SEM1: variants seen among roughly 807,000 people sequenced by gnomAD.
SEM1 encodes 26S proteasome complex subunit SEM1.
Under a neutral mutation model 12.7 loss-of-function variants are expected in SEM1, and 3 were observed. That is an observed-to-expected ratio of 0.24 (90% CI 0.11 to 0.61). The LOEUF (loss-of-function observed/expected upper bound fraction) is 0.61, where lower values mean the gene tolerates loss of function less well. Among genes scored for constraint, SEM1 ranks in the 20% least tolerant of loss-of-function variants. The pLI is 0.88. For missense variants in SEM1, 59 were observed against 81.3 expected, an observed-to-expected ratio of 0.73 and a Z score of 1.06; for synonymous variants, 30 against 27.8, an observed-to-expected ratio of 1.08 and a Z score of -0.25.
At chr7:96,647,564 C>G (rs1420469580) in intron 2 of SEM1, 1 of 152,056 alleles carries the variant, frequency 6.6e-6, no homozygotes, top group Non-Finnish European at 1.5e-5. Flanking sequence ...AATAAGAGCT[C>G]TTACTCTGAA....
At chr7:96,607,567 A>G (rs1374386835) in intron 2 of SEM1, among the ~76,000 whole-genome samples, 3 of 152,140 alleles carry the variant, frequency 2.0e-5, no homozygotes, top group African/African-American at 7.2e-5. Context: ...GGACTTTATA[A>G]TTCAATTGAA....
intron 2 of SEM1, among the ~76,000 whole-genome samples, chr7:96,573,942 A>AT (rs1806121473): frequency 3.6e-5 from 1 of 27,480 alleles, no homozygotes; most frequent in South Asian, 9.1e-3. Flanking sequence ...TTTTTTTAAT[A>AT]TTTTTTATTA....
intron 2 of SEM1, among the ~76,000 whole-genome samples, chr7:96,627,687 C>T (rs1314325674): frequency 6.6e-6 from 1 of 152,112 alleles, no homozygotes; most frequent in Non-Finnish European, 1.5e-5. Context: ...TGTGACCTAA[C>T]ATATGGCCTA....
intron 2 of SEM1, chr7:96,622,782 A>C: frequency 1.6e-6 from 1 of 611,040 alleles, no homozygotes; most frequent in Non-Finnish European, 2.9e-6. Flanking sequence ...CATGTAATGC[A>C]TGCAACTGTC....
At chr7:96,673,593 C>G in exon 3 of SEM1, 1 of 617,784 alleles carries the variant, frequency 1.6e-6, no homozygotes, top group Non-Finnish European at 2.9e-6. Context: ...GGACCTTCAC[C>G]CAGGCTGCTC....
At chr7:96,589,729 T>C (rs976827968) in intron 2 of SEM1, among the ~76,000 whole-genome samples, 1 of 152,348 alleles carries the variant, frequency 6.6e-6, no homozygotes, top group East Asian at 1.9e-4. Flanking sequence ...CTCTGAAAAT[T>C]ACCTGAGGTA....
intron 2 of SEM1, among the ~76,000 whole-genome samples, chr7:96,682,476 G>T (rs1001171678): frequency 2.6e-5 from 4 of 151,974 alleles, no homozygotes; most frequent in Admixed American, 6.6e-5. Flanking sequence ...TTTTCAAAGG[G>T]GATGCTTCCA....
At chr7:96,541,229 T>G (rs1190918438) in intron 2 of SEM1, among the ~76,000 whole-genome samples, 1 of 151,908 alleles carries the variant, frequency 6.6e-6, no homozygotes, top group African/African-American at 2.4e-5. Flanking sequence ...CATTTCATTT[T>G]CTCTTCAGCC....
intron 1 of SEM1, among the ~76,000 whole-genome samples, chr7:96,705,069 A>G (rs1479580089): frequency 6.6e-6 from 1 of 152,200 alleles, no homozygotes; most frequent in Non-Finnish European, 1.5e-5. Flanking sequence ...GGCACAGGTG[A>G]TAATGCCTCA....
chr7:96,703,505 ATTC>A (rs1445167228), intron 1 of SEM1, among the ~76,000 whole-genome samples: 1 of 152,212 alleles, frequency 6.6e-6, no homozygotes, highest in African/African-American at 2.4e-5. Flanking sequence ...CAATTTGGCA[ATTC>A]TTCTCTAGGA....
intron 2 of SEM1, among the ~76,000 whole-genome samples, chr7:96,551,684 A>G (rs1429201614): frequency 6.7e-6 from 1 of 149,320 alleles, no homozygotes; most frequent in Non-Finnish European, 1.5e-5. Context: ...TAGCCTGAGC[A>G]AGAGGAGTGA....
intron 2 of SEM1, among the ~76,000 whole-genome samples, chr7:96,528,904 C>A (rs1402545241): frequency 6.6e-6 from 1 of 152,076 alleles, no homozygotes; most frequent in African/African-American, 2.4e-5. Context: ...CATTTGATAA[C>A]CTTAGATATT....
In SEM1 at chr7:96,559,634, T is replaced by C. The variant is rs564393838; in HGVS notation, c.171-52936A>G. Among the ~76,000 whole-genome samples the C allele has an allele frequency of 2.4e-3, 362 of 152,322 alleles. 2 individuals carry two copies. The highest frequency in any genetic ancestry group is 4.3e-3 in the Non-Finnish European group (295 of 68,030). ...CTAAATGGCGTATTGTGGACAATCT[T>C]TTGTGTTAGTAAATAAAGATCTATA... is the stretch of plus-strand genomic sequence containing the variant. On this transcript the variant is annotated intron_variant and NMD_transcript_variant, in intron 2 of 3. Coordinates refer to the SEM1 transcript ENST00000466986.
At chr7:96,544,327 C>T (rs1396892175) in intron 2 of SEM1, among the ~76,000 whole-genome samples, 1 of 151,980 alleles carries the variant, frequency 6.6e-6, no homozygotes, top group Non-Finnish European at 1.5e-5. Context: ...TGAGCACCTA[C>T]TATGTTTCTA....
intron 2 of SEM1, among the ~76,000 whole-genome samples, chr7:96,693,760 T>TTG (rs566641071): frequency 0.044 from 6,094 of 139,550 alleles, 210 homozygotes; most frequent in Admixed American, 0.11. Flanking sequence ...ACAATTCCAC[T>TTG]TGTGTGTGTG....
downstream of SEM1, among the ~76,000 whole-genome samples, chr7:96,668,636 G>A (rs79973922): frequency 5.0e-4 from 76 of 152,178 alleles, no homozygotes; most frequent in African/African-American, 1.7e-3. Flanking sequence ...AGCTTCCCAG[G>A]TTTGTCTTGG....
intron 1 of SEM1, among the ~76,000 whole-genome samples, chr7:96,708,732 T>C (rs1409366262): frequency 1.3e-5 from 2 of 152,210 alleles, no homozygotes; most frequent in African/African-American, 4.8e-5. Context: ...TTCTAACTAG[T>C]TATGAGACAT....
At chr7:96,550,100 T>C (rs560488160) in intron 2 of SEM1, among the ~76,000 whole-genome samples, 42 of 148,810 alleles carry the variant, frequency 2.8e-4, no homozygotes, top group South Asian at 2.4e-3. Flanking sequence ...ATTTATTCAT[T>C]AAAATAAGTT....
At chr7:96,645,051 C>A (rs570439324) in intron 2 of SEM1, among the ~76,000 whole-genome samples, 4 of 152,170 alleles carry the variant, frequency 2.6e-5, no homozygotes, top group African/African-American at 9.6e-5. Context: ...TTAAGCCTTT[C>A]TGGTACATAT....
Sources: gnomAD v4.1 joint callset for allele counts (sites outside exome capture counted in the v4.1 genomes callset) on GRCh38, gnomAD v4.1.1 for gene constraint, MANE v1.5 for transcripts, NCBI Gene and HGNC (gene_info 2026-07-23, HGNC 2026-07-21) for gene names.